Variants in SRC observed in about 807,000 individuals in gnomAD.
SRC encodes the protein SRC proto-oncogene, non-receptor tyrosine kinase.
In SRC, 13 loss-of-function variants were observed where a neutral mutation model predicts 62.9. The observed-to-expected ratio is 0.21, with a 90% CI of 0.13 to 0.33. The LOEUF is 0.33. Among genes scored for constraint, SRC ranks in the 10% least tolerant of loss-of-function variants. The probability of loss-of-function intolerance (pLI) is 1.00; values close to 1 mark genes in which losing one functional copy is unlikely to be tolerated. For synonymous variants in SRC, 302 were observed against 317.5 expected (o/e 0.95, Z 0.52); for missense variants, 457 against 737.3 (o/e 0.62, Z 4.40).
intron 2 of SRC, among the ~76,000 whole-genome samples, chr20:37,370,205 T>C (rs2070140114): frequency 5.3e-5 from 8 of 152,242 alleles, no homozygotes; most frequent in Admixed American, 5.2e-4. Flanking sequence ...TTTTTCTACA[T>C]GTATTAGAAT....
chr20:37,373,595 C>A (rs556383795), intron 2 of SRC, among the ~76,000 whole-genome samples: 3 of 152,324 alleles, frequency 2.0e-5, no homozygotes, highest in South Asian at 4.1e-4. Flanking sequence ...CAGGCGTAAG[C>A]CACCACGCCC....
intron 2 of SRC, among the ~76,000 whole-genome samples, chr20:37,373,277 C>CGTGT (rs2070211692): frequency 6.6e-6 from 1 of 151,346 alleles, no homozygotes; most frequent in Admixed American, 6.6e-5. Flanking sequence ...CGCACACACA[C>CGTGT]ACACACATAT....
chr20:37,361,528 C>T (rs2069969439), intron 1 of SRC, among the ~76,000 whole-genome samples: 2 of 152,216 alleles, frequency 1.3e-5, no homozygotes, highest in Non-Finnish European at 1.5e-5. Context: ...GAGGGAGATA[C>T]TGCATGGGTG....
rs562539198 is a variant in SRC, at chr20:37,347,302, G to T, written c.-247+1047G>T. Among the ~76,000 whole-genome samples the T allele has an allele frequency of 3.9e-5, 6 of 152,364 alleles. No individual in the cohort carries two copies. The East Asian group carries it at 1.2e-3, about 29-fold the overall frequency. On this transcript the variant is annotated intron_variant, in intron 1 of 13. Transcript: ENST00000373578. ...CAGACTTGGTTTCAAGGGTGGGCCA[G>T]GCTGGTCCTGTTGCAGACCCTCTTC...
At chr20:37,385,217 A>T (rs962259076) in intron 4 of SRC, among the ~76,000 whole-genome samples, 1 of 152,106 alleles carries the variant, frequency 6.6e-6, no homozygotes, top group Non-Finnish European at 1.5e-5. Flanking sequence ...GTGGCCGCCC[A>T]GGAGACAGAT....
intron 1 of SRC, among the ~76,000 whole-genome samples, chr20:37,353,629 G>A (rs1322642582): frequency 3.9e-5 from 6 of 152,090 alleles, no homozygotes; most frequent in South Asian, 2.1e-4. Flanking sequence ...GCAGCCTCGC[G>A]GGGTAGTGGT....
chr20:37,403,388 G>T lies in SRC; in HGVS notation c.*9G>T. On this transcript the variant is annotated 3_prime_UTR_variant, in exon 14 of 14. Transcript: ENST00000373578. The surrounding 1 kb of genome is among the most constrained non-coding windows in gnomAD (Gnocchi z 7.1). Reference sequence around the variant, plus strand: ...CCGGGGAGAACCTCTAGGCACAGGCGGGCCCAGACCGGCTTCTCGGCTTGG... The same window carrying T: ...CCGGGGAGAACCTCTAGGCACAGGCTGGCCCAGACCGGCTTCTCGGCTTGG... 1 of 1,578,202 alleles carries T rather than the reference G, an allele frequency of 6.3e-7. No homozygotes were observed.
intron 2 of SRC, among the ~76,000 whole-genome samples, chr20:37,381,266 C>T (rs1568632875): frequency 6.6e-6 from 1 of 152,116 alleles, no homozygotes; most frequent in Non-Finnish European, 1.5e-5. Context: ...GAGTGGTCTT[C>T]GTGTTTGTGA....
At chr20:37,364,289 C>T (rs1011795714) in intron 1 of SRC, among the ~76,000 whole-genome samples, 9 of 152,058 alleles carry the variant, frequency 5.9e-5, no homozygotes, top group Middle Eastern at 3.2e-3. Flanking sequence ...CAAGCAGCCC[C>T]GCCTCTCTGT....
rs1406655378 is a variant in SRC, at chr20:37,402,815, C to T, written c.1337C>T (p.Ser446Leu). Reference sequence around the variant, plus strand: ...CTCTATGGCCGCTTCACCATCAAGTCGGACGTGTGGTCCTTCGGGATCCTG... The same window carrying T: ...CTCTATGGCCGCTTCACCATCAAGTTGGACGTGTGGTCCTTCGGGATCCTG... ...AALYGRFTIK[S>L]DVWSFGILLT... is the part of the protein sequence containing the mutation. Residue 446 changes from serine (S) to leucine (L), a missense_variant, in exon 13 of 14, where the codon TCG (serine) becomes TTG (leucine). By Grantham distance (145) the Ser-to-Leu change is moderately radical. Around this residue, in one of 4 missense-constraint regions of SRC, gnomAD observed 168 missense variants for 357.8 expected, o/e 0.47. Transcript: ENST00000373578. The surrounding 1 kb of genome is among the most constrained non-coding windows in gnomAD (Gnocchi z 6.2). 2.5e-6 allele frequency: 4 copies of T among 1,614,094 alleles called. No individual in the cohort carries two copies. The highest frequency in any genetic ancestry group is 2.5e-6 in the Non-Finnish European group (3 of 1,180,002).
At position 37,402,212 on chromosome 20, in the gene SRC, C is replaced by T; in HGVS notation, c.1117-223C>T. ...TCGGATCTCGTGCCTCCCCTTTGAC[C>T]TTTGCCTTCTGCCCTCTGCTCTGTG... is the stretch of plus-strand genomic sequence containing the variant. On this transcript the variant is annotated intron_variant, in intron 11 of 13. Transcript: ENST00000373578. This position sits in a 1 kb window ranked among gnomAD's most constrained non-coding sequence, Gnocchi z 6.2. 1 of 520,982 alleles carries T rather than the reference C, an allele frequency of 1.9e-6. No individual in the cohort carries two copies. Among genetic ancestry groups the T allele is most frequent in the Non-Finnish European group, 3.3e-6 (1 of 299,638 alleles). The allele number at this position is 520,982 out of a possible 1,614,324, so 32.3% of individuals were successfully genotyped here. A position where few individuals can be genotyped will look rare whatever the true frequency, so the allele number is the denominator to read the frequency against.
At chr20:37,364,891 C>T (rs2070037751) in intron 1 of SRC, among the ~76,000 whole-genome samples, 1 of 152,168 alleles carries the variant, frequency 6.6e-6, no homozygotes. Flanking sequence ...AAGAATGTGG[C>T]CCCCATTCAT....
At chr20:37,359,912 T>A (rs1600960957) in intron 1 of SRC, among the ~76,000 whole-genome samples, 1 of 151,918 alleles carries the variant, frequency 6.6e-6, no homozygotes, top group Non-Finnish European at 1.5e-5. Context: ...ATTTTTTTTT[T>A]CTTTGCATCA....
At chr20:37,354,600 G>T (rs1257314606) in intron 1 of SRC, among the ~76,000 whole-genome samples, 3 of 152,188 alleles carry the variant, frequency 2.0e-5, no homozygotes, top group Non-Finnish European at 4.4e-5. Context: ...AGGGGCAGGG[G>T]CCGGGGAGGT....
At chr20:37,361,306 C>T (rs1426613853) in intron 1 of SRC, among the ~76,000 whole-genome samples, 1 of 152,156 alleles carries the variant, frequency 6.6e-6, no homozygotes, top group Non-Finnish European at 1.5e-5. Context: ...GATCACCCGT[C>T]CCCAGCCTGT....
intron 2 of SRC, among the ~76,000 whole-genome samples, chr20:37,368,939 TG>T (rs1018478525): frequency 6.6e-6 from 1 of 152,216 alleles, no homozygotes; most frequent in African/African-American, 2.4e-5. Context: ...ATGCAGGATT[TG>T]AGGAAGGTGT....
chr20:37,351,282 A>T lies in SRC; in HGVS notation c.-247+5027A>T, dbSNP rs1222725126. Among the ~76,000 whole-genome samples the T allele has an allele frequency of 6.6e-6, 1 of 152,178 alleles. No individual in the cohort carries two copies. The highest frequency in any genetic ancestry group is 1.5e-5 in the Non-Finnish European group (1 of 68,026). On this transcript the variant is annotated intron_variant, in intron 1 of 13. Coordinates refer to ENST00000373578, the MANE Select transcript of SRC (RefSeq NM_198291.3). This position sits in a 1 kb window ranked among gnomAD's most constrained non-coding sequence, Gnocchi z 4.4. The stretch of plus-strand genomic sequence containing the variant: ...GGAGAAGTTGAATGATCTTGGCCAA[A>T]TCCCTTCCTGTCTGGTCCTCAGTTT...
intron 1 of SRC, among the ~76,000 whole-genome samples, chr20:37,361,536 G>A (rs2069969589): frequency 6.6e-6 from 1 of 152,242 alleles, no homozygotes; most frequent in Non-Finnish European, 1.5e-5. Context: ...TACTGCATGG[G>A]TGTGGGCGGG....
At position 37,373,266 on chromosome 20, in the gene SRC, ACG is replaced by A. The variant is rs201082541; in HGVS notation, c.-173+7991_-173+7992del. Reference sequence around the variant, plus strand: ...TGTACACACGCACACACATGTACATACGCACACACACACACACATATTACATA... The same window carrying A: ...TGTACACACGCACACACATGTACATACACACACACACACACATATTACATA... On this transcript the variant is annotated intron_variant, in intron 2 of 13. Transcript: ENST00000373578. Among the ~76,000 whole-genome samples, 61 of 121,024 alleles carry A rather than the reference ACG, an allele frequency of 5.0e-4. 1 individual carries two copies. The highest frequency in any genetic ancestry group is 8.6e-3 in the Middle Eastern group (2 of 232). The allele number at this position is 121,024 out of a possible 152,430, so 79.4% of individuals were successfully genotyped here.
Sources: gnomAD v4.1 joint callset for allele counts (sites outside exome capture counted in the v4.1 genomes callset) on GRCh38, gnomAD v4.1.1 for gene constraint, gnomAD v4.1.1 regional missense constraint, Gnocchi (gnomAD v3.1) non-coding constraint, MANE v1.5 for transcripts, NCBI Gene and HGNC (gene_info 2026-07-23, HGNC 2026-07-21) for gene names.